Variants in CACNA1S observed in about 807,000 individuals in gnomAD.
CACNA1S encodes the protein voltage-dependent L-type calcium channel subunit alpha-1S.
Under a neutral mutation model 207.4 loss-of-function variants are expected in CACNA1S, and 126 were observed. The observed-to-expected ratio is 0.61, with a 90% CI of 0.53 to 0.70. CACNA1S has a LOEUF of 0.70. CACNA1S is among the 30% of genes least tolerant of loss of function. The pLI is 0.00. For missense variants in CACNA1S, 2,349 were observed against 2,422.8 expected (o/e 0.97, Z 0.64); for synonymous variants, 960 against 932.7 (o/e 1.03, Z -0.53).
At chr1:201,075,104 G>A (rs1243873747) in intron 13 of CACNA1S, among the ~76,000 whole-genome samples, 2 of 152,082 alleles carry the variant, frequency 1.3e-5, no homozygotes, top group African/African-American at 4.8e-5. Context: ...TGGTCCCAGC[G>A]CTCAGACTGA....
At chr1:201,105,676 C>T (rs1242561271) in intron 2 of CACNA1S, among the ~76,000 whole-genome samples, 1 of 152,194 alleles carries the variant, frequency 6.6e-6, no homozygotes, top group Non-Finnish European at 1.5e-5. Context: ...CTCTGGGCCT[C>T]AGTTTCCTCT....
chr1:201,084,304 G>A lies in CACNA1S; in HGVS notation c.1232+646C>T, dbSNP rs544666570. Among the ~76,000 whole-genome samples, 8 of 151,896 alleles carry A rather than the reference G, an allele frequency of 5.3e-5. No individual in the cohort carries two copies. The South Asian group carries it at 6.2e-4, about 12-fold the overall frequency. ...AACAAAAACAAAAAAATCCTGGCAC[G>A]TGTGTGTGTGTGCAAGACGGATGAA... On this transcript the variant is annotated intron_variant, in intron 9 of 43. Transcript: ENST00000362061.
Position 201,040,390 on chromosome 1 carries a change from A to G in CACNA1S, c.5227-16T>C, listed in dbSNP as rs774344225. 2.5e-6 allele frequency: 4 copies of G among 1,612,170 alleles called. No individual in the cohort carries two copies. Among genetic ancestry groups the G allele is most frequent in the Admixed American group, 1.7e-5 (1 of 59,974 alleles). ...CCCTGGGGCACTGTTCCAAAGGTAC[A>G]AAAGCAAAGACCCCGACAGGGGTGC... On this transcript the variant is annotated splice_polypyrimidine_tract_variant and intron_variant, in intron 42 of 43. Coordinates refer to ENST00000362061, the MANE Select transcript of CACNA1S (RefSeq NM_000069.3).
chr1:201,052,426 G>A (rs1660685763), intron 32 of CACNA1S, 131 bp downstream of exon 32: 1 of 711,356 alleles, frequency 1.4e-6, no homozygotes, highest in Non-Finnish European at 2.6e-6. Flanking sequence ...GGACCCTTCT[G>A]AGTATAGGAC....
In CACNA1S at chr1:201,047,583, C is replaced by T. The variant is rs777491114; in HGVS notation, c.4485G>A (p.Lys1495=). The T allele has an allele frequency of 1.2e-6, 2 of 1,614,236 alleles. No individual in the cohort carries two copies. The highest frequency in any genetic ancestry group is 2.2e-5 in the East Asian group (1 of 44,880). The part of the protein sequence containing the change: ...QANEELRAII[K]KIWKRTSMKL... The stretch of plus-strand genomic sequence containing the variant: ...TCATGCTGGTTCTCTTCCAGATCTT[C>T]TTGATGATGGCCCTCAGCTCCTCGT... Residue 1495 remains lysine (K), a synonymous_variant, in exon 37 of 44, where the codon AAG becomes AAA. Coordinates refer to ENST00000362061, the MANE Select transcript of CACNA1S (RefSeq NM_000069.3).
At chr1:201,055,075 G>A (rs899869195) in intron 28 of CACNA1S, among the ~76,000 whole-genome samples, 1 of 152,202 alleles carries the variant, frequency 6.6e-6, no homozygotes, top group African/African-American at 2.4e-5. Flanking sequence ...GTCCAGGACT[G>A]GACCTGGGAC....
intron 7 of CACNA1S, among the ~76,000 whole-genome samples, chr1:201,086,623 C>T (rs942096706): frequency 6.6e-5 from 10 of 152,220 alleles, no homozygotes; most frequent in South Asian, 2.1e-4. Flanking sequence ...ACAATCTTAG[C>T]GCACCACTGT....
Position 201,094,021 on chromosome 1 carries a change from C to T in CACNA1S, c.259G>A (p.Glu87Lys), listed in dbSNP as rs774972928. 6.8e-6 allele frequency: 11 copies of T among 1,614,162 alleles called. No homozygotes were observed. The South Asian group carries it at 1.1e-4, about 16-fold the overall frequency. The stretch of plus-strand genomic sequence containing the variant: ...ATGAGGAAGAAATACTCCAGCTTCT[C>T]CTGTGGGAGCAAACGTGGTCACAGC... ...DDNNSLNLGL[E>K]KLEYFFLIVF... is the part of the protein sequence containing the mutation. Residue 87 changes from glutamate to lysine, a missense_variant and splice_region_variant, in exon 3 of 44, where the codon GAG (glutamate) becomes AAG (lysine). Transcript: ENST00000362061.
In CACNA1S at chr1:201,112,255, G is replaced by T; in HGVS notation, c.85C>A (p.Arg29=). 6.2e-7 allele frequency: 1 copy of T among 1,613,892 alleles called. No homozygotes were observed. The change falls in exon 1 of 44, where the codon CGG becomes AGG. Residue 29 remains arginine (R), a synonymous_variant. Coordinates refer to ENST00000362061, the MANE Select transcript of CACNA1S (RefSeq NM_000069.3). ...PVPEILPRPP[R]ALFCLTLENP... is the part of the protein sequence containing the mutation. ...TCCAGGGTCAGGCAGAACAAGGCCCGGGGTGGCCTTGGCAGAATCTCAGGA... is the reference window on the plus strand; with the variant it reads ...TCCAGGGTCAGGCAGAACAAGGCCCTGGGTGGCCTTGGCAGAATCTCAGGA...
At chr1:201,107,940 G>A (rs559405105) in intron 2 of CACNA1S, among the ~76,000 whole-genome samples, 9 of 152,238 alleles carry the variant, frequency 5.9e-5, no homozygotes, top group East Asian at 1.9e-4. Context: ...TTAGGTTTCC[G>A]ACTTGCAGGG....
At chr1:201,059,014 A>T (rs575443394) in intron 27 of CACNA1S, among the ~76,000 whole-genome samples, 175 bp downstream of exon 27, 5 of 152,334 alleles carry the variant, frequency 3.3e-5, no homozygotes, top group African/African-American at 1.2e-4. Context: ...GGCTGCATGA[A>T]GATCTGCCTG....
chr1:201,109,442 T>C (rs1663021394), intron 2 of CACNA1S, among the ~76,000 whole-genome samples: 1 of 152,170 alleles, frequency 6.6e-6, no homozygotes, highest in Non-Finnish European at 1.5e-5. Context: ...TAATGTAAAA[T>C]ATTTAGCACA....
At position 201,089,369 on chromosome 1, in the gene CACNA1S, G is replaced by A. The variant is rs368173398; in HGVS notation, c.789C>T (p.Gly263=). The A allele has an allele frequency of 1.9e-5, 31 of 1,614,120 alleles. No individual in the cohort carries two copies. Among genetic ancestry groups the A allele is most frequent in the Admixed American group, 5.0e-5 (3 of 60,012 alleles). ...TGCCATGGTTGGGCCCTGGCCAGCC[G>A]CCCCGGCACTCACTGCCATTGATGG... ...RCTINGSECR[G]GWPGPNHGIT... is the part of the protein sequence containing the mutation. The change falls in exon 6 of 44, where the codon GGC becomes GGT. Residue 263 remains glycine, a synonymous_variant. Coordinates refer to ENST00000362061, the MANE Select transcript of CACNA1S (RefSeq NM_000069.3).
chr1:201,054,541 C>T lies in CACNA1S; in HGVS notation c.3630G>A (p.Gly1210=), dbSNP rs1572029683. The change falls in exon 29 of 44, where the codon GGG becomes GGA. Residue 1210 remains glycine, a synonymous_variant. Transcript: ENST00000362061. The stretch of plus-strand genomic sequence containing the variant: ...AGCCTCCACCCAGGCAATACAGTCC[C>T]CCGCTGGAGGCCAGGAAAGTCTGTG... The part of the protein sequence containing the change: ...SEIDTFLASS[G]GLYCLGGGCG... The T allele has an allele frequency of 1.2e-6, 2 of 1,613,838 alleles. No homozygotes were observed. The highest frequency in any genetic ancestry group is 2.2e-5 in the South Asian group (2 of 91,004).
At chr1:201,083,871 A>G (rs890021275) in intron 9 of CACNA1S, among the ~76,000 whole-genome samples, 1 of 152,202 alleles carries the variant, frequency 6.6e-6, no homozygotes, top group African/African-American at 2.4e-5. Context: ...CTCCCACCTC[A>G]GACTTCCGAG....
intron 35 of CACNA1S, 145 bp from the exon 36 acceptor site, chr1:201,048,829 C>A: frequency 2.4e-6 from 2 of 841,798 alleles, no homozygotes; most frequent in Non-Finnish European, 4.0e-6. Flanking sequence ...TGTGAGGGGA[C>A]AGAATGATGA....
In CACNA1S at chr1:201,069,022, C is replaced by CCTGCCAGTCTCCACCTCTTTT. The variant is rs1262710131; in HGVS notation, c.2550+94_2550+114dup. On this transcript the variant is annotated intron_variant, in intron 19 of 43. Coordinates refer to ENST00000362061, the MANE Select transcript of CACNA1S (RefSeq NM_000069.3). Reference sequence around the variant, plus strand: ...GGTGTGCTGGGTCCCATGAGTCTTTCCTGCCAGTCTCCACCTCTTTTCTGC... The same window carrying CCTGCCAGTCTCCACCTCTTTT: ...GGTGTGCTGGGTCCCATGAGTCTTTCCTGCCAGTCTCCACCTCTTTTCTGCCAGTCTCCACCTCTTTTCTGC... 7.5e-6 allele frequency: 7 copies of CCTGCCAGTCTCCACCTCTTTT among 933,904 alleles called. No homozygotes were observed. In the African/African-American group the frequency reaches 1.1e-4, roughly 15 times the overall value. The allele number at this position is 933,904 out of a possible 1,614,324, so 57.9% of individuals were successfully genotyped here. A position where few individuals can be genotyped will look rare whatever the true frequency, so the allele number is the denominator to read the frequency against.
Position 201,087,885 on chromosome 1 carries a change from G to T in CACNA1S, c.945C>A (p.Val315=). 8.1e-6 allele frequency: 13 copies of T among 1,613,954 alleles called. No homozygotes were observed. The highest frequency in any genetic ancestry group is 1.1e-5 in the Non-Finnish European group (13 of 1,179,902). ...AGAAGGATCCCAGCAAAATGAGGGT[G>T]ACAAAATAGATCCAGGGCCACTCAT... The part of the protein sequence containing the change: ...IGNEWPWIYF[V]TLILLGSFFI... The change falls in exon 7 of 44, where the codon GTC becomes GTA. Residue 315 remains valine, a synonymous_variant. Coordinates refer to ENST00000362061, the MANE Select transcript of CACNA1S (RefSeq NM_000069.3).
At chr1:201,097,343 C>T (rs2102172419) in intron 2 of CACNA1S, among the ~76,000 whole-genome samples, 1 of 152,286 alleles carries the variant, frequency 6.6e-6, no homozygotes, top group South Asian at 2.1e-4. Flanking sequence ...CATAACATGA[C>T]CCTTGCTGAC....
Sources: gnomAD v4.1 joint callset for allele counts (sites outside exome capture counted in the v4.1 genomes callset) on GRCh38, gnomAD v4.1.1 for gene constraint, MANE v1.5 for transcripts, NCBI Gene and HGNC (gene_info 2026-07-23, HGNC 2026-07-21) for gene names.